The following TRERF1 variants were observed in gnomAD, a reference collection of about 807,000 sequenced individuals.
The protein encoded by TRERF1 is transcriptional-regulating factor 1.
A neutral mutation model predicts 122.9 loss-of-function variants in TRERF1; 27 were observed. That is an observed-to-expected ratio of 0.22 (90% CI 0.16 to 0.30). The LOEUF is 0.30. TRERF1 is among the 10% of genes least tolerant of loss of function. The pLI, the probability that TRERF1 is intolerant of heterozygous loss-of-function variation, is 1.00. For synonymous variants in TRERF1, 636 were observed against 641.7 expected, an observed-to-expected ratio of 0.99 and a Z score of 0.13; for missense variants, 1,248 against 1,560.3, an observed-to-expected ratio of 0.80 and a Z score of 3.37.
intron 2 of TRERF1, among the ~76,000 whole-genome samples, chr6:42,404,996 G>C (rs970507659): frequency 6.6e-6 from 1 of 152,124 alleles, no homozygotes; most frequent in African/African-American, 2.4e-5. Context: ...GTTTCTCAGG[G>C]GGCTGGATAG....
intron 3 of TRERF1, among the ~76,000 whole-genome samples, chr6:42,307,713 T>A (rs941606134): frequency 6.7e-6 from 1 of 148,860 alleles, no homozygotes; most frequent in South Asian, 2.1e-4. Context: ...AAAGATCCGA[T>A]CGCTATTACA....
At position 42,427,256 on chromosome 6, in the gene TRERF1, A is replaced by G. The variant is rs148273010; in HGVS notation, c.-454+23921T>C. Among the ~76,000 whole-genome samples, 540 of 152,252 alleles carry G rather than the reference A, an allele frequency of 3.5e-3. 5 individuals are homozygous for G. The highest frequency in any genetic ancestry group is 0.012 in the African/African-American group (499 of 41,562). ...AAATGAGAAATACGTTCTTTGGTTT[A>G]TTGTTTGTTAAATTTTGATGGAGAC... On this transcript the variant is annotated intron_variant, in intron 2 of 17. Coordinates refer to ENST00000372922, the Ensembl canonical transcript of TRERF1.
At chr6:42,307,576 G>A (rs960505038) in intron 3 of TRERF1, among the ~76,000 whole-genome samples, 4 of 152,060 alleles carry the variant, frequency 2.6e-5, no homozygotes, top group Non-Finnish European at 5.9e-5. Context: ...AACTCACCCA[G>A]GGGACACCAG....
chr6:42,263,443 A>G lies in TRERF1; in HGVS notation c.1761T>C (p.Ser587=), dbSNP rs375677935. The G allele has an allele frequency of 2.9e-5, 46 of 1,610,086 alleles. No individual in the cohort carries two copies. The highest frequency in any genetic ancestry group is 2.3e-4 in the South Asian group (21 of 90,098). ...TGGGCGGGAGAAGCTTGACAGGGACAGACACGGGCATGACCATAGGCGTGA... is the reference window on the plus strand; with the variant it reads ...TGGGCGGGAGAAGCTTGACAGGGACGGACACGGGCATGACCATAGGCGTGA... The change falls in exon 8 of 18, where the codon TCT becomes TCC. Residue 587 remains serine, a synonymous_variant. Coordinates refer to ENST00000372922, the Ensembl canonical transcript of TRERF1. This position sits in a 1 kb window ranked among gnomAD's most constrained non-coding sequence, Gnocchi z 5.6.
chr6:42,384,085 AATGTAGAG>A (rs1266148110), intron 2 of TRERF1, among the ~76,000 whole-genome samples: 3 of 151,908 alleles, frequency 2.0e-5, no homozygotes, highest in African/African-American at 7.3e-5. Context: ...CAGTATCACA[AATGTAGAG>A]ATGCTTTTAC....
At chr6:42,431,279 A>G (rs1182234892) in intron 2 of TRERF1, among the ~76,000 whole-genome samples, 1 of 152,122 alleles carries the variant, frequency 6.6e-6, no homozygotes, top group Non-Finnish European at 1.5e-5. Flanking sequence ...GAAAGGAGGA[A>G]AGCGAGAGAT....
rs139800310 is a variant in TRERF1 at position 42,442,680 on chromosome 6, C to T, written c.-454+8497G>A. Among the ~76,000 whole-genome samples, 7 of 152,378 alleles carry T rather than the reference C, an allele frequency of 4.6e-5. No individual in the cohort carries two copies. In the East Asian group the frequency reaches 1.3e-3, roughly 29 times the overall value. ...TCAAAAATGTCATGCCAAAAACATG[C>T]TTAAATCATCTGAGTATTTCCAACT... On this transcript the variant is annotated intron_variant, in intron 2 of 17. Transcript: ENST00000372922.
chr6:42,341,591 T>C (rs1003898082), intron 3 of TRERF1, among the ~76,000 whole-genome samples: 1 of 152,204 alleles, frequency 6.6e-6, no homozygotes, highest in African/African-American at 2.4e-5. Flanking sequence ...GCCTGTTCTT[T>C]TTCTGGGAGA....
At chr6:42,366,046 C>A (rs1458244013) in intron 2 of TRERF1, among the ~76,000 whole-genome samples, 1 of 152,154 alleles carries the variant, frequency 6.6e-6, no homozygotes, top group East Asian at 1.9e-4. Context: ...GTCCATGCAC[C>A]CCGTCAAGGT....
chr6:42,387,053 C>T (rs562881067), intron 2 of TRERF1, among the ~76,000 whole-genome samples: 16 of 152,224 alleles, frequency 1.1e-4, no homozygotes, highest in Admixed American at 5.9e-4. Context: ...AAAACCACCC[C>T]GACTTGAGAA....
intron 14 of TRERF1, 130 bp downstream of exon 14, chr6:42,246,326 C>A: frequency 1.3e-6 from 1 of 744,966 alleles, no homozygotes; most frequent in Non-Finnish European, 2.3e-6. Context: ...CCACTACCAT[C>A]CTCACCAGCG....
chr6:42,285,023 T>C (rs958963946), intron 4 of TRERF1, among the ~76,000 whole-genome samples: 1 of 152,162 alleles, frequency 6.6e-6, no homozygotes, highest in Admixed American at 6.5e-5. Context: ...ACATTTAGAC[T>C]TCACGGTTTA....
chr6:42,226,381 G>A (rs1178571395), exon 18 of TRERF1: 2 of 152,196 alleles, frequency 1.3e-5, no homozygotes, highest in East Asian at 3.8e-4. Flanking sequence ...CAGACACTAA[G>A]TGGAGGGCAG....
chr6:42,419,897 GT>G (rs1562176737), intron 2 of TRERF1, among the ~76,000 whole-genome samples: 1 of 152,222 alleles, frequency 6.6e-6, no homozygotes, highest in Non-Finnish European at 1.5e-5. Context: ...TACACACTGG[GT>G]GTTAATGCTG....
At chr6:42,416,072 C>T (rs1781792093) in intron 2 of TRERF1, among the ~76,000 whole-genome samples, 1 of 152,038 alleles carries the variant, frequency 6.6e-6, no homozygotes, top group African/African-American at 2.4e-5. Flanking sequence ...GTTGCTTATA[C>T]AAGTGGGATT....
chr6:42,427,123 C>T (rs1783735660), intron 2 of TRERF1, among the ~76,000 whole-genome samples: 1 of 151,676 alleles, frequency 6.6e-6, no homozygotes, highest in Admixed American at 6.6e-5. Context: ...AAGCTCGAGA[C>T]CAGCCTGGTC....
chr6:42,314,407 C>G (rs1025864398), intron 3 of TRERF1, among the ~76,000 whole-genome samples: 21 of 152,282 alleles, frequency 1.4e-4, no homozygotes, highest in African/African-American at 4.6e-4. Flanking sequence ...TTCAAATGTG[C>G]ACAGTTAAAC....
At chr6:42,331,058 C>T (rs1380765295) in intron 3 of TRERF1, among the ~76,000 whole-genome samples, 1 of 152,068 alleles carries the variant, frequency 6.6e-6, no homozygotes, top group Non-Finnish European at 1.5e-5. Context: ...ATAGAAGGCA[C>T]AGGCATAGAA....
At chr6:42,253,146 C>T (rs141134650) in intron 13 of TRERF1, among the ~76,000 whole-genome samples, 97 of 152,178 alleles carry the variant, frequency 6.4e-4, no homozygotes, top group East Asian at 1.9e-4. Context: ...GGGTGTGTGG[C>T]GCTCCTAGTA....
Sources: gnomAD v4.1 joint callset for allele counts (sites outside exome capture counted in the v4.1 genomes callset) on GRCh38, gnomAD v4.1.1 for gene constraint, Gnocchi (gnomAD v3.1) non-coding constraint, MANE v1.5 for transcripts, NCBI Gene and HGNC (gene_info 2026-07-23, HGNC 2026-07-21) for gene names.